Variants in FNIP1 observed in about 807,000 individuals in gnomAD.
The protein encoded by FNIP1 is folliculin interacting protein 1.
FNIP1 carries 40 observed loss-of-function variants against 124.5 expected under a neutral mutation model. The ratio of observed to expected loss-of-function variants is 0.32; its 90% CI spans 0.25 to 0.42. The LOEUF (loss-of-function observed/expected upper bound fraction) is 0.42, where lower values mean the gene tolerates loss of function less well. Among genes scored for constraint, FNIP1 ranks in the 10% least tolerant of loss-of-function variants. The probability of loss-of-function intolerance (pLI) is 1.00; values close to 1 mark genes in which losing one functional copy is unlikely to be tolerated. For synonymous variants in FNIP1, 472 were observed against 470.6 expected (o/e 1.00, Z -0.04); for missense variants, 1,176 against 1,403.7 (o/e 0.84, Z 2.59).
At chr5:131,711,126 A>G (rs1234192657) in intron 6 of FNIP1, among the ~76,000 whole-genome samples, 4 of 152,220 alleles carry the variant, frequency 2.6e-5, no homozygotes, top group Admixed American at 6.5e-5. Context: ...ACAGCATACA[A>G]CAGGGTGCAA....
At chr5:131,681,397 T>C (rs1343111348) in intron 11 of FNIP1, among the ~76,000 whole-genome samples, 2 of 152,110 alleles carry the variant, frequency 1.3e-5, no homozygotes, top group Admixed American at 1.3e-4. Flanking sequence ...CTACAGTTTG[T>C]TACCTCATTC....
chr5:131,761,013 A>C (rs1399131650), intron 1 of FNIP1, among the ~76,000 whole-genome samples: 2 of 152,210 alleles, frequency 1.3e-5, no homozygotes, highest in East Asian at 3.8e-4. Context: ...GGCCACCATC[A>C]GAAACCAAAA....
intron 1 of FNIP1, among the ~76,000 whole-genome samples, chr5:131,782,122 C>A (rs1772014951): frequency 1.3e-5 from 2 of 151,972 alleles, no homozygotes; most frequent in African/African-American, 4.8e-5. Context: ...CCACTGCATT[C>A]CAGCCTAGGC....
chr5:131,728,525 C>T (rs1415338271), intron 3 of FNIP1, among the ~76,000 whole-genome samples: 1 of 152,084 alleles, frequency 6.6e-6, no homozygotes, highest in Non-Finnish European at 1.5e-5. Context: ...TTTTTCAGCT[C>T]CATCAGGTCA....
At chr5:131,781,712 C>G (rs1338687500) in intron 1 of FNIP1, among the ~76,000 whole-genome samples, 1 of 152,174 alleles carries the variant, frequency 6.6e-6, no homozygotes, top group Non-Finnish European at 1.5e-5. Context: ...CATCTTGTCA[C>G]CAAAGAGCTC....
chr5:131,680,275 A>C (rs1486498454), intron 11 of FNIP1, among the ~76,000 whole-genome samples: 1 of 152,226 alleles, frequency 6.6e-6, no homozygotes. Flanking sequence ...TAGGAGCCAA[A>C]AAAGAGAAGA....
intron 14 of FNIP1, 80 bp downstream of exon 14, chr5:131,671,425 C>T (rs1306606703): frequency 2.6e-6 from 3 of 1,149,516 alleles, no homozygotes; most frequent in Non-Finnish European, 3.7e-6. Flanking sequence ...CTCTTTTATA[C>T]TAACCTTCAG....
intron 15 of FNIP1, among the ~76,000 whole-genome samples, chr5:131,665,932 C>T (rs1172000705): frequency 2.2e-5 from 3 of 135,824 alleles, no homozygotes; most frequent in African/African-American, 5.5e-5. Context: ...GACGGAGTCT[C>T]GCTCTGTCGC....
chr5:131,790,768 G>T (rs1772383647), intron 1 of FNIP1, among the ~76,000 whole-genome samples: 1 of 152,160 alleles, frequency 6.6e-6, no homozygotes, highest in South Asian at 2.1e-4. Context: ...GGAGGAAGTA[G>T]TAATTAGAAT....
chr5:131,699,068 T>G, intron 10 of FNIP1, 66 bp from the exon 11 acceptor site: 1 of 1,310,478 alleles, frequency 7.6e-7, no homozygotes, highest in East Asian at 2.4e-5. Context: ...GAAAAAAGTC[T>G]TTTTTAGACA....
chr5:131,680,866 G>A (rs893408953), intron 11 of FNIP1, among the ~76,000 whole-genome samples: 6 of 152,336 alleles, frequency 3.9e-5, no homozygotes, highest in African/African-American at 1.4e-4. Context: ...TGGTGGAATT[G>A]TGATTGAAGT....
At chr5:131,680,343 C>T (rs561942722) in intron 11 of FNIP1, among the ~76,000 whole-genome samples, 2 of 152,258 alleles carry the variant, frequency 1.3e-5, no homozygotes, top group South Asian at 4.1e-4. Flanking sequence ...TGATGTATTA[C>T]AATGGATAGA....
intron 16 of FNIP1, among the ~76,000 whole-genome samples, 158 bp from the exon 17 acceptor site, chr5:131,647,363 A>G (rs1457187978): frequency 6.6e-6 from 1 of 152,114 alleles, no homozygotes; most frequent in Non-Finnish European, 1.5e-5. Flanking sequence ...TTTTAGCTAA[A>G]AAGAGAAGTG....
intron 2 of FNIP1, among the ~76,000 whole-genome samples, chr5:131,737,215 C>T (rs1274909659): frequency 6.6e-6 from 1 of 152,196 alleles, no homozygotes; most frequent in East Asian, 1.9e-4. Flanking sequence ...CTTGTCCCCT[C>T]ATTACAGGAC....
chr5:131,748,265 A>G (rs1300968293), intron 1 of FNIP1, among the ~76,000 whole-genome samples: 2 of 152,234 alleles, frequency 1.3e-5, no homozygotes, highest in Non-Finnish European at 2.9e-5. Flanking sequence ...GTAACACTGT[A>G]GCTGTCATCA....
At chr5:131,747,370 T>C (rs1284325576) in intron 1 of FNIP1, among the ~76,000 whole-genome samples, 1 of 152,222 alleles carries the variant, frequency 6.6e-6, no homozygotes, top group African/African-American at 2.4e-5. Context: ...TTCTGTCTAA[T>C]CTTTAGTAAA....
intron 16 of FNIP1, among the ~76,000 whole-genome samples, chr5:131,649,838 G>A (rs920829801): frequency 1.3e-5 from 2 of 152,134 alleles, no homozygotes; most frequent in Non-Finnish European, 2.9e-5. Context: ...TCTTTTGTAT[G>A]TGGCTATCCA....
chr5:131,762,322 G>A (rs1290188471), intron 1 of FNIP1, among the ~76,000 whole-genome samples: 1 of 152,158 alleles, frequency 6.6e-6, no homozygotes, highest in East Asian at 1.9e-4. Flanking sequence ...CCCATAGAAT[G>A]GGAGAAAATA....
At chr5:131,769,149 C>G (rs556647296) in intron 1 of FNIP1, among the ~76,000 whole-genome samples, 116 of 152,146 alleles carry the variant, frequency 7.6e-4, no homozygotes, top group African/African-American at 2.6e-3. Context: ...AGAAGAGCAA[C>G]AAATGGCAGA....
Sources: gnomAD v4.1 joint callset for allele counts (sites outside exome capture counted in the v4.1 genomes callset) on GRCh38, gnomAD v4.1.1 for gene constraint, MANE v1.5 for transcripts, NCBI Gene and HGNC (gene_info 2026-07-23, HGNC 2026-07-21) for gene names.